Variants in TNFSF11 observed in about 807,000 individuals in gnomAD.
TNFSF11 encodes the protein TNF superfamily member 11.
Under a neutral mutation model 32.2 loss-of-function variants are expected in TNFSF11, and 12 were observed. The observed-to-expected ratio is 0.37, with a 90% CI of 0.24 to 0.60. The LOEUF (loss-of-function observed/expected upper bound fraction) is 0.60, where lower values mean the gene tolerates loss of function less well. Ranked by LOEUF, TNFSF11 falls within the 20% of genes least tolerant of loss-of-function variation. The pLI is 0.66. For synonymous variants in TNFSF11, 172 were observed against 152.1 expected, an observed-to-expected ratio of 1.13 and a Z score of -0.96; for missense variants, 345 against 398.0, an observed-to-expected ratio of 0.87 and a Z score of 1.13.
intron 4 of TNFSF11, among the ~76,000 whole-genome samples, chr13:42,603,910 C>T (rs1869312720): frequency 1.3e-5 from 2 of 152,068 alleles, no homozygotes; most frequent in Non-Finnish European, 2.9e-5. Flanking sequence ...AAAGCATGAA[C>T]CAGTGAATGT....
chr13:42,589,043 G>A (rs1175198342), intron 2 of TNFSF11, among the ~76,000 whole-genome samples: 8 of 152,074 alleles, frequency 5.3e-5, no homozygotes, highest in East Asian at 1.9e-4. Context: ...TAGCGGCGGC[G>A]GTGGTGGTGG....
intron 2 of TNFSF11, among the ~76,000 whole-genome samples, chr13:42,598,578 C>T (rs1868950835): frequency 6.6e-6 from 1 of 152,170 alleles, no homozygotes; most frequent in African/African-American, 2.4e-5. Context: ...CCTCCACACA[C>T]TCCCACACTT....
At chr13:42,573,061 ATACT>A (rs1873127554), upstream of TNFSF11, among the ~76,000 whole-genome samples, 2 of 152,304 alleles carry the variant, frequency 1.3e-5, no homozygotes, top group East Asian at 1.9e-4. Flanking sequence ...ATTATTTATA[ATACT>A]TAATAGAATG....
chr13:42,579,114 C>T (rs762076660), intron 1 of TNFSF11, among the ~76,000 whole-genome samples: 1 of 151,944 alleles, frequency 6.6e-6, no homozygotes, highest in Non-Finnish European at 1.5e-5. Context: ...ATATAGGGTT[C>T]GGGTGCAGTG....
chr13:42,576,485 T>A (rs1873322260), intron 1 of TNFSF11, among the ~76,000 whole-genome samples: 1 of 152,190 alleles, frequency 6.6e-6, no homozygotes, highest in Non-Finnish European at 1.5e-5. Context: ...TTAGTAAGTC[T>A]AGCCAGAAAA....
intron 2 of TNFSF11, among the ~76,000 whole-genome samples, chr13:42,583,857 T>C (rs1594465728): frequency 6.6e-6 from 1 of 151,644 alleles, no homozygotes; most frequent in African/African-American, 2.4e-5. Context: ...AAAATATATA[T>C]AGAGAAAAGA....
upstream of TNFSF11, among the ~76,000 whole-genome samples, chr13:42,569,741 GTC>G (rs148730875): frequency 6.4e-4 from 98 of 152,150 alleles, no homozygotes; most frequent in African/African-American, 2.2e-3. Context: ...AAAGTGAAAC[GTC>G]TGTCATAATA....
rs896337807 is a variant in TNFSF11, at chr13:42,607,451, C to T, written c.*533C>T. 1 of 152,772 alleles carries T rather than the reference C, an allele frequency of 6.5e-6. No homozygotes were observed. The highest frequency in any genetic ancestry group is 2.4e-5 in the African/African-American group (1 of 41,396). The allele number at this position is 152,772 out of a possible 1,614,324, so 9.5% of individuals were successfully genotyped here. On this transcript the variant is annotated 3_prime_UTR_variant, in exon 5 of 5. Coordinates refer to ENST00000398795, the MANE Select transcript of TNFSF11 (RefSeq NM_003701.4). ...CAAAGTATTGTAAATTATATTTGTG[C>T]TATAGTATTTGATTCAAAATATTTA...
chr13:42,586,251 A>C (rs1279360419), intron 2 of TNFSF11, among the ~76,000 whole-genome samples: 1 of 152,226 alleles, frequency 6.6e-6, no homozygotes, highest in Non-Finnish European at 1.5e-5. Flanking sequence ...TTTCGCGCAC[A>C]TCTGAATATA....
chr13:42,563,987 C>A (rs1345738567), intron 1 of TNFSF11, among the ~76,000 whole-genome samples: 1 of 151,992 alleles, frequency 6.6e-6, no homozygotes, highest in Non-Finnish European at 1.5e-5. Flanking sequence ...TGATAATGTC[C>A]CATGTATTTC....
intron 2 of TNFSF11, among the ~76,000 whole-genome samples, chr13:42,585,138 G>A (rs145276460): frequency 2.7e-3 from 415 of 152,262 alleles, no homozygotes; most frequent in African/African-American, 9.5e-3. Context: ...GAGGATTATC[G>A]GTTAATGTGA....
At chr13:42,575,837 A>G (rs892382614) in intron 1 of TNFSF11, among the ~76,000 whole-genome samples, 23 of 152,240 alleles carry the variant, frequency 1.5e-4, no homozygotes, top group African/African-American at 5.1e-4. Flanking sequence ...ATCTATATGA[A>G]AGTGACTAAA....
At chr13:42,583,395 G>A (rs1463177135) in intron 2 of TNFSF11, among the ~76,000 whole-genome samples, 1 of 98,650 alleles carries the variant, frequency 1.0e-5, no homozygotes, top group Non-Finnish European at 1.9e-5. Flanking sequence ...CTGGCAGCCT[G>A]GGTGACATAG....
intron 2 of TNFSF11, among the ~76,000 whole-genome samples, chr13:42,584,479 CT>C (rs1194439828): frequency 1.3e-5 from 2 of 152,182 alleles, no homozygotes; most frequent in Non-Finnish European, 2.9e-5. Context: ...TTTCTGCCAC[CT>C]CCTGCCTCAT....
intron 1 of TNFSF11, among the ~76,000 whole-genome samples, chr13:42,563,873 T>C (rs920725937): frequency 2.6e-5 from 4 of 152,298 alleles, no homozygotes; most frequent in African/African-American, 9.6e-5. Flanking sequence ...GTTAATGTCT[T>C]TAATCAGTTT....
rs573318439 is a variant in TNFSF11, at chr13:42,585,137, C to T, written c.387+3844C>T. ...TGTGTTATCCTTTGATGAGGATTAT[C>T]GGTTAATGTGACATTCTACACATCT... On this transcript the variant is annotated intron_variant, in intron 2 of 4. Transcript: ENST00000398795. Among the ~76,000 whole-genome samples, 24 of 152,334 alleles carry T rather than the reference C, an allele frequency of 1.6e-4. 1 individual carries two copies. The South Asian group carries it at 4.4e-3, about 28-fold the overall frequency.
intron 2 of TNFSF11, among the ~76,000 whole-genome samples, chr13:42,594,525 C>T (rs990430565): frequency 2.0e-5 from 3 of 152,108 alleles, no homozygotes; most frequent in South Asian, 2.1e-4. Flanking sequence ...CAAAGAGGGG[C>T]GTATCCTTTG....
At chr13:42,595,310 A>C (rs1868745205) in intron 2 of TNFSF11, among the ~76,000 whole-genome samples, 1 of 152,174 alleles carries the variant, frequency 6.6e-6, no homozygotes, top group Non-Finnish European at 1.5e-5. Flanking sequence ...ACTTATCTAA[A>C]ATTGCACTTA....
At chr13:42,573,958 GC>G (rs1284496133), upstream of TNFSF11, among the ~76,000 whole-genome samples, 1 of 152,154 alleles carries the variant, frequency 6.6e-6, no homozygotes, top group Non-Finnish European at 1.5e-5. Context: ...CACTGGAGTA[GC>G]CCCCAGCCTC....
Sources: gnomAD v4.1 joint callset for allele counts (sites outside exome capture counted in the v4.1 genomes callset) on GRCh38, gnomAD v4.1.1 for gene constraint, MANE v1.5 for transcripts, NCBI Gene and HGNC (gene_info 2026-07-23, HGNC 2026-07-21) for gene names.